MMD: variants seen among roughly 807,000 people sequenced by gnomAD.
The protein encoded by MMD is monocyte to macrophage differentiation factor.
A neutral mutation model predicts 33.6 loss-of-function variants in MMD; 22 were observed. The ratio of observed to expected loss-of-function variants is 0.66; its 90% CI spans 0.47 to 0.94. The LOEUF (loss-of-function observed/expected upper bound fraction) is 0.94. Ranked by LOEUF, MMD falls within the 40% of genes least tolerant of loss-of-function variation. MMD has a pLI of 0.00. For synonymous variants in MMD, 97 were observed against 103.2 expected (o/e 0.94, Z 0.36); for missense variants, 242 against 309.8 (o/e 0.78, Z 1.64).
In MMD at chr17:55,401,375, A is replaced by G. The variant is rs78275591; in HGVS notation, c.516+94T>C. 9,484 of 1,102,502 alleles carry G rather than the reference A, an allele frequency of 8.6e-3. 508 individuals are homozygous for G. In the African/African-American group the frequency reaches 0.13, roughly 15 times the overall value. The allele number at this position is 1,102,502 out of a possible 1,614,324, so 68.3% of individuals were successfully genotyped here. A position where few individuals can be genotyped will look rare whatever the true frequency, so the allele number is the denominator to read the frequency against. On this transcript the variant is annotated intron_variant, in intron 6 of 6. Coordinates refer to ENST00000262065, the MANE Select transcript of MMD (RefSeq NM_012329.3). ...TTTGAGCCTCTATTTAATGGACATA[A>G]CTTTATAAAGAAAAGCTACATATCA...
intron 3 of MMD, 126 bp from the exon 4 acceptor site, chr17:55,407,946 C>A: frequency 3.3e-6 from 2 of 612,274 alleles, no homozygotes; most frequent in Non-Finnish European, 2.7e-6. Flanking sequence ...CTTGTTCTTC[C>A]AAGGTTACAC....
chr17:55,405,066 AAAAT>A (rs1040752522), intron 4 of MMD, among the ~76,000 whole-genome samples: 2 of 151,654 alleles, frequency 1.3e-5, no homozygotes, highest in Admixed American at 6.6e-5. Flanking sequence ...TGTCTCAAAA[AAAAT>A]AAATAAAATA....
At chr17:55,413,862 G>T (rs778352703) in intron 2 of MMD, among the ~76,000 whole-genome samples, 1 of 152,124 alleles carries the variant, frequency 6.6e-6, no homozygotes, top group Non-Finnish European at 1.5e-5. Flanking sequence ...TTCATAAATA[G>T]GTGTCTTTGG....
chr17:55,398,689 T>C (rs1907215579), intron 6 of MMD, among the ~76,000 whole-genome samples: 1 of 152,194 alleles, frequency 6.6e-6, no homozygotes, highest in South Asian at 2.1e-4. Flanking sequence ...GGAGGATCAA[T>C]TTTATCCTTT....
At chr17:55,409,394 G>T (rs1294475770) in intron 3 of MMD, among the ~76,000 whole-genome samples, 1 of 152,162 alleles carries the variant, frequency 6.6e-6, no homozygotes, top group Admixed American at 6.5e-5. Flanking sequence ...TTTCTAGATT[G>T]TCATACGCTG....
Position 55,407,769 on chromosome 17 carries a change from GAAGA to G in MMD, c.317_320del (p.Phe106SerfsTer10). On this transcript the variant is annotated frameshift_variant, in exon 4 of 7. Transcript: ENST00000262065. LOFTEE classifies it high-confidence loss of function. ...ACCATGGAGCATAAGAAGCAGCAAT[GAAGA>G]AATAGATAACCATTCTATCACACAT... is the stretch of plus-strand genomic sequence containing the variant. 1 of 1,600,794 alleles carries G rather than the reference GAAGA, an allele frequency of 6.2e-7. No individual in the cohort carries two copies. Among genetic ancestry groups the G allele is most frequent in the Non-Finnish European group, 8.5e-7 (1 of 1,176,394 alleles).
intron 4 of MMD, chr17:55,404,893 C>G (rs1907483156): frequency 6.7e-6 from 2 of 299,758 alleles, no homozygotes; most frequent in Non-Finnish European, 9.8e-6. Flanking sequence ...GGAACCCAGT[C>G]TCTACTAAAA....
chr17:55,404,809 C>A (rs1369736138), intron 4 of MMD: 1 of 974,812 alleles, frequency 1.0e-6, no homozygotes, highest in African/African-American at 1.8e-5. Flanking sequence ...CACCTGTAAT[C>A]CCAGAACTTT....
rs1241525891 is a variant in MMD at position 55,392,766 on chromosome 17, A to G, written c.*1568T>C. The G allele has an allele frequency of 6.6e-6, 1 of 152,524 alleles. No individual in the cohort carries two copies. The highest frequency in any genetic ancestry group is 1.5e-5 in the Non-Finnish European group (1 of 68,040). The allele number at this position is 152,524 out of a possible 1,614,324, so 9.4% of individuals were successfully genotyped here. A position where few individuals can be genotyped will look rare whatever the true frequency, so the allele number is the denominator to read the frequency against. On this transcript the variant is annotated 3_prime_UTR_variant, in exon 7 of 7. Transcript: ENST00000262065. ...AAATATACACAGTAAAACAACAGGC[A>G]TCCAGATGTTCAGAATCATGCAGAT...
intron 3 of MMD, among the ~76,000 whole-genome samples, chr17:55,408,816 C>A (rs1328762403): frequency 6.6e-6 from 1 of 152,086 alleles, no homozygotes; most frequent in Non-Finnish European, 1.5e-5. Context: ...GCCTGGCCAA[C>A]ACAGTGAAAC....
At chr17:55,409,776 A>G (rs2143145408) in intron 3 of MMD, among the ~76,000 whole-genome samples, 1 of 152,360 alleles carries the variant, frequency 6.6e-6, no homozygotes, top group East Asian at 1.9e-4. Context: ...GGTACCTACA[A>G]CTTTTTATTG....
chr17:55,420,393 G>C (rs934434184), intron 1 of MMD: 2 of 152,118 alleles, frequency 1.3e-5, no homozygotes, highest in African/African-American at 4.8e-5. Flanking sequence ...TCCACTGGGG[G>C]AACAGTGCCA....
intron 5 of MMD, 66 bp downstream of exon 5, chr17:55,403,700 AT>A: frequency 9.2e-7 from 1 of 1,086,014 alleles, no homozygotes; most frequent in Non-Finnish European, 1.4e-6. Context: ...AGTAAATTGT[AT>A]TGCAGTGCAG....
At chr17:55,409,983 G>T (rs1292042289) in intron 3 of MMD, among the ~76,000 whole-genome samples, 1 of 152,180 alleles carries the variant, frequency 6.6e-6, no homozygotes, top group African/African-American at 2.4e-5. Context: ...CAATGCTGTG[G>T]TTTTATTTTA....
intron 1 of MMD, among the ~76,000 whole-genome samples, chr17:55,420,908 A>G (rs1384010096): frequency 6.6e-6 from 1 of 152,138 alleles, no homozygotes; most frequent in East Asian, 1.9e-4. Flanking sequence ...CGGCATTTCC[A>G]CCAGCTCTAC....
intron 3 of MMD, 77 bp downstream of exon 3, chr17:55,411,180 C>A (rs1907746327): frequency 6.7e-7 from 1 of 1,490,530 alleles, no homozygotes; most frequent in African/African-American, 1.4e-5. Flanking sequence ...TTGACTAAAG[C>A]ATGCCAGCTT....
chr17:55,407,736 T>C lies in MMD; in HGVS notation c.344+10A>G, dbSNP rs185743687. 89 of 1,590,846 alleles carry C rather than the reference T, an allele frequency of 5.6e-5. No individual in the cohort carries two copies. Among genetic ancestry groups the C allele is most frequent in the Non-Finnish European group, 4.4e-5 (52 of 1,169,966 alleles). ...TCACTACCTTCGAAAATAGGAAGAC[T>C]GTATCTTACCATGGAGCATAAGAAG... is the stretch of plus-strand genomic sequence containing the variant. On this transcript the variant is annotated intron_variant, in intron 4 of 6. Transcript: ENST00000262065.
At chr17:55,416,888 TTAATAAAGC>T (rs1907986158) in intron 1 of MMD, among the ~76,000 whole-genome samples, 1 of 152,182 alleles carries the variant, frequency 6.6e-6, no homozygotes, top group Non-Finnish European at 1.5e-5. Context: ...GGAGCTGCAC[TTAATAAAGC>T]TACTAGTTAG....
At chr17:55,408,808 C>G (rs1000753622) in intron 3 of MMD, among the ~76,000 whole-genome samples, 4 of 152,134 alleles carry the variant, frequency 2.6e-5, no homozygotes, top group Non-Finnish European at 4.4e-5. Context: ...TGAGACCAGC[C>G]TGGCCAACAC....
Sources: gnomAD v4.1 joint callset for allele counts (sites outside exome capture counted in the v4.1 genomes callset) on GRCh38, gnomAD v4.1.1 for gene constraint, MANE v1.5 for transcripts, NCBI Gene and HGNC (gene_info 2026-07-23, HGNC 2026-07-21) for gene names.